CERS6: variants seen among roughly 807,000 people sequenced by gnomAD.
CERS6 encodes LAG1 homolog, ceramide synthase 6.
CERS6 carries 26 observed loss-of-function variants against 56.8 expected under a neutral mutation model. That is an observed-to-expected ratio of 0.46 (90% CI 0.34 to 0.63). The LOEUF (loss-of-function observed/expected upper bound fraction) is 0.63. Ranked by LOEUF, CERS6 falls within the 30% of genes least tolerant of loss-of-function variation. The pLI is 0.01. For missense variants in CERS6, 415 were observed against 467.5 expected (o/e 0.89, Z 1.04); for synonymous variants, 164 against 173.3 (o/e 0.95, Z 0.42).
At chr2:168,655,619 C>G (rs1257261458) in intron 4 of CERS6, among the ~76,000 whole-genome samples, 1 of 152,142 alleles carries the variant, frequency 6.6e-6, no homozygotes, top group Admixed American at 6.5e-5. Context: ...AAGCCAAACA[C>G]AGAAAGAAAA....
intron 1 of CERS6, among the ~76,000 whole-genome samples, chr2:168,477,295 C>T (rs1694096936): frequency 6.6e-6 from 1 of 151,234 alleles, no homozygotes; most frequent in Admixed American, 6.6e-5. Flanking sequence ...ACCCTAGTTC[C>T]ATCACACTGG....
chr2:168,557,600 A>G (rs762629880), intron 2 of CERS6, among the ~76,000 whole-genome samples: 2 of 152,176 alleles, frequency 1.3e-5, no homozygotes, highest in Non-Finnish European at 2.9e-5. Context: ...ATAAAGTTAG[A>G]TTCATTCCTC....
intron 4 of CERS6, among the ~76,000 whole-genome samples, chr2:168,687,312 A>T (rs1686377444): frequency 6.6e-6 from 1 of 152,258 alleles, no homozygotes; most frequent in Admixed American, 6.5e-5. Context: ...ATCTTAACAA[A>T]GTATTTAGCA....
Position 168,769,783 on chromosome 2 carries a change from A to C in CERS6, c.*121A>C. 1.0e-6 allele frequency: 1 copy of C among 1,004,852 alleles called. No homozygotes were observed. The highest frequency in any genetic ancestry group is 1.5e-6 in the Non-Finnish European group (1 of 665,650). 62.2% of individuals were successfully genotyped at this position (1,004,852 alleles called of 1,614,324 possible). On this transcript the variant is annotated 3_prime_UTR_variant, in exon 10 of 10. Coordinates refer to ENST00000305747, the MANE Select transcript of CERS6 (RefSeq NM_203463.3). ...CCAGAAACAAAAATTAAGATTATCA[A>C]AGCATTTTGAATAGTGCACTGCCAT...
chr2:168,654,312 G>A (rs1228799537), intron 4 of CERS6, among the ~76,000 whole-genome samples: 2 of 152,132 alleles, frequency 1.3e-5, no homozygotes, highest in East Asian at 3.9e-4. Context: ...AATTTGGGAG[G>A]CCGAGGTAGG....
chr2:168,512,400 C>T (rs997536563), intron 1 of CERS6, among the ~76,000 whole-genome samples: 1 of 152,042 alleles, frequency 6.6e-6, no homozygotes, highest in Non-Finnish European at 1.5e-5. Flanking sequence ...TCACATATCT[C>T]CCTAAATTCT....
intron 1 of CERS6, among the ~76,000 whole-genome samples, chr2:168,499,504 G>A (rs6712205): frequency 0.042 from 6,418 of 152,254 alleles, 260 homozygotes; most frequent in African/African-American, 0.1. Flanking sequence ...GGAGCCAGCT[G>A]TAAGATCATT....
At position 168,631,297 on chromosome 2, in the gene CERS6, TAG is replaced by T. The variant is rs1040613884; in HGVS notation, c.465+258_465+259del. Among the ~76,000 whole-genome samples, 25 of 148,852 alleles carry T rather than the reference TAG, an allele frequency of 1.7e-4. 1 individual carries two copies. Among genetic ancestry groups the T allele is most frequent in the African/African-American group, 5.9e-4 (24 of 40,594 alleles). ...ATCCATCTGATGCTTTGAAAGAAGT[TAG>T]AGTTTCTACATCAATCACACAATTT... On this transcript the variant is annotated intron_variant, in intron 4 of 9. Transcript: ENST00000305747.
chr2:168,599,722 C>G (rs1683887922), intron 3 of CERS6, among the ~76,000 whole-genome samples: 1 of 152,144 alleles, frequency 6.6e-6, no homozygotes, highest in Admixed American at 6.5e-5. Flanking sequence ...TGAGGACCAT[C>G]TATCAATCCT....
chr2:168,636,430 G>A (rs1684861612), intron 4 of CERS6, among the ~76,000 whole-genome samples: 1 of 152,132 alleles, frequency 6.6e-6, no homozygotes, highest in African/African-American at 2.4e-5. Flanking sequence ...TCAAGATTGA[G>A]ATTTCAGTCT....
At chr2:168,584,609 C>T (rs139784776) in intron 3 of CERS6, among the ~76,000 whole-genome samples, 1 of 152,348 alleles carries the variant, frequency 6.6e-6, no homozygotes, top group East Asian at 1.9e-4. Context: ...ATCCCAACGA[C>T]TCTGTCAAAA....
chr2:168,606,779 T>C (rs910922831), intron 3 of CERS6, among the ~76,000 whole-genome samples: 1 of 152,174 alleles, frequency 6.6e-6, no homozygotes, highest in Non-Finnish European at 1.5e-5. Context: ...TAGAAAATCA[T>C]GGGGTTGGTT....
chr2:168,726,500 A>C (rs922735812), intron 8 of CERS6, among the ~76,000 whole-genome samples: 2 of 152,234 alleles, frequency 1.3e-5, no homozygotes, highest in African/African-American at 2.4e-5. Flanking sequence ...CTGGTAAAGA[A>C]AGGAGAAAAT....
At chr2:168,740,636 A>G (rs567868538) in intron 8 of CERS6, among the ~76,000 whole-genome samples, 1 of 152,238 alleles carries the variant, frequency 6.6e-6, no homozygotes, top group East Asian at 1.9e-4. Flanking sequence ...AGTCTGGGTT[A>G]ACTCAGCGCC....
chr2:168,759,163 A>G (rs972598525), intron 8 of CERS6, among the ~76,000 whole-genome samples: 15 of 152,212 alleles, frequency 9.9e-5, no homozygotes, highest in Non-Finnish European at 2.2e-4. Context: ...TCAGGGCATC[A>G]GCAGTGAAAT....
At chr2:168,644,043 G>A (rs1477837176) in intron 4 of CERS6, 6 of 966,432 alleles carry the variant, frequency 6.2e-6, no homozygotes, top group Non-Finnish European at 6.2e-6. Context: ...AACTGATATA[G>A]CATAAAAATC....
chr2:168,464,587 G>T (rs1238243732), intron 1 of CERS6, among the ~76,000 whole-genome samples: 1 of 151,668 alleles, frequency 6.6e-6, no homozygotes, highest in East Asian at 1.9e-4. Context: ...TGAAGTAACT[G>T]ATATTAACAC....
At chr2:168,464,778 A>G (rs1693841705) in intron 1 of CERS6, among the ~76,000 whole-genome samples, 1 of 152,202 alleles carries the variant, frequency 6.6e-6, no homozygotes, top group African/African-American at 2.4e-5. Context: ...AAAAAAACCA[A>G]ACAAACAAAA....
At position 168,689,099 on chromosome 2, in the gene CERS6, CT is replaced by C. The variant is rs553623211; in HGVS notation, c.466-1934del. ...ACACACATGCCCAATGGTCTTGGGA[CT>C]GATAAATTTAGATGAACATGAGGCC... On this transcript the variant is annotated intron_variant, in intron 4 of 9. Transcript: ENST00000305747. Among the ~76,000 whole-genome samples, 684 of 152,254 alleles carry C rather than the reference CT, an allele frequency of 4.5e-3. 2 individuals are homozygous for C. The highest frequency in any genetic ancestry group is 5.2e-3 in the Non-Finnish European group (356 of 68,004).
Sources: allele counts gnomAD v4.1 joint callset (sites outside exome capture counted in the v4.1 genomes callset), GRCh38; gene constraint gnomAD v4.1.1; transcripts MANE v1.5; gene names NCBI Gene and HGNC (gene_info 2026-07-23, HGNC 2026-07-21).